Variants in KAT6B observed in about 807,000 individuals in gnomAD.
KAT6B encodes lysine acetyltransferase 6B, also known as histone acetyltransferase KAT6B.
In KAT6B, 10 loss-of-function variants were observed where a neutral mutation model predicts 187.5. The observed-to-expected ratio is 0.05, with a 90% confidence interval of 0.03 to 0.09. The LOEUF (loss-of-function observed/expected upper bound fraction) is 0.09, where lower values mean the gene tolerates loss of function less well. Ranked by LOEUF, KAT6B falls within the 10% of genes least tolerant of loss-of-function variation. The pLI, the probability that KAT6B is intolerant of heterozygous loss-of-function variation, is 1.00. For synonymous variants in KAT6B, 861 were observed against 926.8 expected, an observed-to-expected ratio of 0.93 and a Z score of 1.29; for missense variants, 1,952 against 2,558.9, an observed-to-expected ratio of 0.76 and a Z score of 5.12.
chr10:74,826,474 G>C (rs1273165685), upstream of KAT6B: 2 of 153,082 alleles, frequency 1.3e-5, no homozygotes, highest in Non-Finnish European at 2.9e-5. Context: ...AGAGTGGTTA[G>C]TGAGTGGGTG....
chr10:75,008,932 C>T (rs1475616112), intron 13 of KAT6B, among the ~76,000 whole-genome samples: 1 of 152,070 alleles, frequency 6.6e-6, no homozygotes, highest in Non-Finnish European at 1.5e-5. Context: ...GGGTTAAAAC[C>T]AACTAAAAAG....
intron 13 of KAT6B, among the ~76,000 whole-genome samples, chr10:75,016,762 G>A (rs1190581693): frequency 6.6e-6 from 1 of 152,056 alleles, no homozygotes; most frequent in Non-Finnish European, 1.5e-5. Flanking sequence ...CCCGAGTTAA[G>A]GAGAAGTGTT....
chr10:74,926,176 G>A (rs1219366131), intron 3 of KAT6B, among the ~76,000 whole-genome samples: 12 of 152,220 alleles, frequency 7.9e-5, no homozygotes, highest in South Asian at 2.1e-4. Flanking sequence ...GTATCCAGCC[G>A]GGCACAGTGG....
chr10:74,877,637 A>G (rs990234676), intron 3 of KAT6B, among the ~76,000 whole-genome samples: 13 of 152,232 alleles, frequency 8.5e-5, no homozygotes, highest in Non-Finnish European at 1.5e-4. Context: ...AAAATAATTA[A>G]GATGAAATAT....
At chr10:74,934,187 A>C (rs1165386662) in intron 3 of KAT6B, among the ~76,000 whole-genome samples, 1 of 79,072 alleles carries the variant, frequency 1.3e-5, no homozygotes, top group Non-Finnish European at 2.0e-5. Context: ...CTCCGTCTCC[A>C]AAAAAAAAAA....
At chr10:74,908,715 CCT>C (rs1345800823) in intron 3 of KAT6B, among the ~76,000 whole-genome samples, 4 of 152,102 alleles carry the variant, frequency 2.6e-5, no homozygotes, top group African/African-American at 7.2e-5. Context: ...GTATATTCCC[CCT>C]GATTCTCTGC....
intron 3 of KAT6B, among the ~76,000 whole-genome samples, chr10:74,945,108 G>T (rs1839853667): frequency 6.6e-6 from 1 of 152,154 alleles, no homozygotes; most frequent in African/African-American, 2.4e-5. Flanking sequence ...GCCCCAAACT[G>T]TAAAGAACTC....
Position 74,981,870 on chromosome 10 carries a change from G to A in KAT6B, c.2315G>A (p.Gly772Glu). The part of the protein sequence containing the change: ...NILLRHSKKC[G>E]WFHPPANEIY... ...TTGCTAAGACACTCCAAGAAGTGTG[G>A]ATGGTTTCATCCTCCAGCAAATGAA... The change falls in exon 11 of 18, where the codon GGA becomes GAA. Residue 772 changes from glycine (G) to glutamate (E), a missense_variant. This residue lies in a region of KAT6B where 87 missense variants were observed against 191.8 expected (regional missense o/e 0.45). Coordinates refer to ENST00000287239, the MANE Select transcript of KAT6B (RefSeq NM_012330.4). 1 of 1,612,326 alleles carries A rather than the reference G, an allele frequency of 6.2e-7. No homozygotes were observed. Among genetic ancestry groups the A allele is most frequent in the Non-Finnish European group, 8.5e-7 (1 of 1,178,424 alleles).
chr10:74,932,245 A>G (rs929809370), intron 3 of KAT6B, among the ~76,000 whole-genome samples: 9 of 152,238 alleles, frequency 5.9e-5, no homozygotes, highest in Non-Finnish European at 1.2e-4. Flanking sequence ...TGAGCAATTA[A>G]CATGCACCGT....
intron 3 of KAT6B, among the ~76,000 whole-genome samples, chr10:74,848,177 C>A (rs1842239405): frequency 6.6e-6 from 1 of 152,104 alleles, no homozygotes; most frequent in Non-Finnish European, 1.5e-5. Flanking sequence ...CCTCAGCCTC[C>A]CAAAGTGCTG....
chr10:74,976,384 A>G, intron 8 of KAT6B, 54 bp downstream of exon 8: 1 of 1,453,562 alleles, frequency 6.9e-7, no homozygotes, highest in Non-Finnish European at 9.6e-7. Context: ...CTTTCTCCCC[A>G]ACCCTGAAAA....
chr10:75,006,871 C>G lies in KAT6B; in HGVS notation c.2630-13711C>G, dbSNP rs544957004. 5.3e-5 allele frequency among the ~76,000 whole-genome samples: 8 copies of G among 151,770 alleles called. No homozygotes were observed. The South Asian group carries it at 1.7e-3, about 32-fold the overall frequency. On this transcript the variant is annotated intron_variant, in intron 13 of 17. Coordinates refer to ENST00000287239, the MANE Select transcript of KAT6B (RefSeq NM_012330.4). ...TGCCTGAGCTCAGGGAGTTCACGAC[C>G]AGCCTGGACAACATGGTGAAACTCC...
chr10:74,903,353 G>A (rs1846534203), intron 3 of KAT6B, among the ~76,000 whole-genome samples: 1 of 152,216 alleles, frequency 6.6e-6, no homozygotes, highest in Non-Finnish European at 1.5e-5. Flanking sequence ...ATCCAGGTGG[G>A]CTGATCTAAT....
intron 1 of KAT6B, among the ~76,000 whole-genome samples, chr10:74,837,126 T>C (rs1014915510): frequency 6.6e-6 from 1 of 152,350 alleles, no homozygotes; most frequent in East Asian, 1.9e-4. Flanking sequence ...ACTCTTCTTA[T>C]GCTGACATGA....
chr10:74,838,480 G>T (rs1393499746), intron 1 of KAT6B, among the ~76,000 whole-genome samples: 1 of 152,082 alleles, frequency 6.6e-6, no homozygotes, highest in Non-Finnish European at 1.5e-5. Flanking sequence ...CACTTGGCTG[G>T]GTCCTTGGGG....
In KAT6B at chr10:74,853,986, T is replaced by G. The variant is rs1329729523; in HGVS notation, c.621+10508T>G. On this transcript the variant is annotated intron_variant, in intron 3 of 17. Transcript: ENST00000287239. ...TAATTGTAAAATTCTTGACTTTTTGTTTTGTTTATAAACTTCCTTTTCTTG... is the reference window on the plus strand; with the variant it reads ...TAATTGTAAAATTCTTGACTTTTTGGTTTGTTTATAAACTTCCTTTTCTTG... Among the ~76,000 whole-genome samples the G allele has an allele frequency of 2.0e-5, 3 of 152,300 alleles. No individual in the cohort carries two copies. The East Asian group carries it at 5.8e-4, about 29-fold the overall frequency.
At chr10:75,005,782 T>C (rs1320693850) in intron 13 of KAT6B, among the ~76,000 whole-genome samples, 1 of 152,210 alleles carries the variant, frequency 6.6e-6, no homozygotes, top group Admixed American at 6.5e-5. Context: ...AAAAACCTTT[T>C]TTGTAATTAT....
chr10:74,949,143 G>A (rs1840144137), intron 3 of KAT6B, among the ~76,000 whole-genome samples: 1 of 152,140 alleles, frequency 6.6e-6, no homozygotes, highest in Admixed American at 6.5e-5. Context: ...GGTTTATATT[G>A]CTAATATCAT....
At chr10:74,952,780 G>A (rs933333560) in intron 3 of KAT6B, among the ~76,000 whole-genome samples, 11 of 151,092 alleles carry the variant, frequency 7.3e-5, no homozygotes, top group Middle Eastern at 3.4e-3. Flanking sequence ...TCCGCCTCCC[G>A]GGTTCAAGTG....
Sources: allele counts gnomAD v4.1 joint callset (sites outside exome capture counted in the v4.1 genomes callset), GRCh38; gene constraint gnomAD v4.1.1; regional missense constraint gnomAD v4.1.1; transcripts MANE v1.5; gene names NCBI Gene and HGNC (gene_info 2026-07-23, HGNC 2026-07-21).